ZNF519: variants seen among roughly 807,000 people sequenced by gnomAD.
ZNF519 encodes similar to Zinc finger protein 85 (Zinc finger protein HPF4) (HTF1).
ZNF519 carries 7 observed loss-of-function variants against 7.4 expected under a neutral mutation model. The ratio of observed to expected loss-of-function variants is 0.94; its 90% CI spans 0.54 to 1.77. The LOEUF (loss-of-function observed/expected upper bound fraction) is 1.77. ZNF519 is among the 40% of genes most tolerant of loss of function. The pLI is 0.00. For missense variants in ZNF519, 586 were observed against 623.1 expected (o/e 0.94, Z 0.63); for synonymous variants, 179 against 203.3 (o/e 0.88, Z 1.02).
At chr18:14,131,268 G>T (rs1385153217) in intron 1 of ZNF519, among the ~76,000 whole-genome samples, 9 of 152,174 alleles carry the variant, frequency 5.9e-5, no homozygotes, top group Non-Finnish European at 1.3e-4. Context: ...TGAAATATTT[G>T]TAAGTAGAAA....
chr18:14,117,989 C>T (rs565088331), intron 2 of ZNF519, among the ~76,000 whole-genome samples: 1 of 151,984 alleles, frequency 6.6e-6, no homozygotes, highest in African/African-American at 2.4e-5. Context: ...TTACAAAAGA[C>T]AAAAAGTGAA....
At chr18:14,128,236 T>A (rs1000702748) in intron 1 of ZNF519, among the ~76,000 whole-genome samples, 6 of 151,988 alleles carry the variant, frequency 3.9e-5, no homozygotes, top group African/African-American at 7.3e-5. Context: ...GAGCTTGCAG[T>A]GCGCCGAGAT....
At chr18:14,108,015 G>GA (rs2046202794) in intron 2 of ZNF519, among the ~76,000 whole-genome samples, 1 of 152,188 alleles carries the variant, frequency 6.6e-6, no homozygotes, top group Non-Finnish European at 1.5e-5. Context: ...TACTCTGAAG[G>GA]AAAGGATACA....
At chr18:14,094,518 T>C (rs144376281) in intron 2 of ZNF519, among the ~76,000 whole-genome samples, 15 of 152,256 alleles carry the variant, frequency 9.9e-5, no homozygotes, top group Non-Finnish European at 2.1e-4. Context: ...TTGCTTTTTC[T>C]ACATCTATTG....
chr18:14,117,381 T>C lies in ZNF519; in HGVS notation c.130+6969A>G, dbSNP rs2046251092. 2.0e-5 allele frequency among the ~76,000 whole-genome samples: 3 copies of C among 152,178 alleles called. No homozygotes were observed. In the South Asian group the frequency reaches 6.2e-4, roughly 31 times the overall value. On this transcript the variant is annotated intron_variant, in intron 2 of 2. Coordinates refer to ENST00000590202, the MANE Select transcript of ZNF519 (RefSeq NM_145287.4). ...GCAAAACCACAATGAGATACTATTG[T>C]GCATTAATTAGGATGGCCAATATCA...
chr18:14,132,066 G>C (rs889664627), intron 1 of ZNF519, among the ~76,000 whole-genome samples: 5 of 152,108 alleles, frequency 3.3e-5, no homozygotes, highest in Non-Finnish European at 5.9e-5. Context: ...ATGCAGGGCT[G>C]CGGGCGCAGA....
chr18:14,096,021 G>T (rs917201231), downstream of ZNF519, among the ~76,000 whole-genome samples: 10 of 152,232 alleles, frequency 6.6e-5, no homozygotes, highest in Non-Finnish European at 1.5e-5. Flanking sequence ...ACAAGACCAT[G>T]GTTTGGGGCT....
intron 2 of ZNF519, chr18:14,123,196 G>T: frequency 9.1e-6 from 2 of 219,634 alleles, no homozygotes; most frequent in Non-Finnish European, 1.8e-5. Context: ...GGTCTGGTTA[G>T]AGATAGCAAC....
intron 2 of ZNF519, among the ~76,000 whole-genome samples, chr18:14,113,691 ATTT>A (rs56144421): frequency 7.1e-6 from 1 of 140,640 alleles, no homozygotes; most frequent in Non-Finnish European, 1.6e-5. Flanking sequence ...TAGTAGCTCT[ATTT>A]TTTTTTTTTT....
chr18:14,089,469 A>C (rs2046105272), intron 2 of ZNF519, among the ~76,000 whole-genome samples: 1 of 152,178 alleles, frequency 6.6e-6, no homozygotes. Flanking sequence ...TGAGTCTAGA[A>C]CTGTGGGCTA....
At chr18:14,109,750 CAAAT>C (rs1057096131) in intron 2 of ZNF519, among the ~76,000 whole-genome samples, 8 of 151,910 alleles carry the variant, frequency 5.3e-5, no homozygotes, top group African/African-American at 1.2e-4. Context: ...ATAAAAAACT[CAAAT>C]AAACAACTTC....
downstream of ZNF519, among the ~76,000 whole-genome samples, chr18:14,097,785 T>C (rs1202739795): frequency 6.6e-6 from 1 of 152,206 alleles, no homozygotes; most frequent in East Asian, 1.9e-4. Flanking sequence ...ATCAGTAGGA[T>C]GCTTTTGTCC....
chr18:14,123,837 C>A (rs187513012), intron 2 of ZNF519, among the ~76,000 whole-genome samples: 1 of 151,982 alleles, frequency 6.6e-6, no homozygotes, highest in Admixed American at 6.5e-5. Flanking sequence ...CAAATTAGCT[C>A]AAAAAAAGAG....
chr18:14,087,275 C>T (rs1157488387), intron 2 of ZNF519, among the ~76,000 whole-genome samples: 1 of 152,144 alleles, frequency 6.6e-6, no homozygotes, highest in East Asian at 1.9e-4. Context: ...TAAGATCTGA[C>T]ACAAGATAAG....
At chr18:14,078,986 G>A (rs773383862) in intron 3 of ZNF519, among the ~76,000 whole-genome samples, 1 of 152,194 alleles carries the variant, frequency 6.6e-6, no homozygotes, top group Admixed American at 6.5e-5. Context: ...CCAAACAGCA[G>A]AAGCACCAGT....
At chr18:14,107,279 G>GA (rs928922876) in intron 2 of ZNF519, among the ~76,000 whole-genome samples, 17 of 152,170 alleles carry the variant, frequency 1.1e-4, no homozygotes, top group Admixed American at 1.1e-3. Context: ...TCAGAGTTGT[G>GA]AAACCCCTTT....
At chr18:14,079,575 G>A (rs2046062302) in intron 3 of ZNF519, among the ~76,000 whole-genome samples, 1 of 152,164 alleles carries the variant, frequency 6.6e-6, no homozygotes, top group African/African-American at 2.4e-5. Flanking sequence ...AAATCAATGG[G>A]AAGAACAGAG....
intron 2 of ZNF519, among the ~76,000 whole-genome samples, chr18:14,109,843 T>A (rs1301720131): frequency 6.6e-6 from 1 of 152,032 alleles, no homozygotes; most frequent in Admixed American, 6.6e-5. Flanking sequence ...CTAAAATTAA[T>A]GTGGATCAAA....
chr18:14,130,269 C>T lies in ZNF519; in HGVS notation c.3+2006G>A, dbSNP rs187727285. ...CTCAGCCTGATTCAACATTCAATCT[C>T]TCTTTATTAACCTCCTAAGAAAAAG... On this transcript the variant is annotated intron_variant, in intron 1 of 2. Coordinates refer to ENST00000590202, the MANE Select transcript of ZNF519 (RefSeq NM_145287.4). Among the ~76,000 whole-genome samples, 383 of 151,622 alleles carry T rather than the reference C, an allele frequency of 2.5e-3. 3 individuals carry two copies. The highest frequency in any genetic ancestry group is 8.7e-3 in the African/African-American group (359 of 41,400).
Sources: gnomAD v4.1 joint callset for allele counts (sites outside exome capture counted in the v4.1 genomes callset) on GRCh38, gnomAD v4.1.1 for gene constraint, MANE v1.5 for transcripts, NCBI Gene and HGNC (gene_info 2026-07-23, HGNC 2026-07-21) for gene names.